Variants in ARHGEF6 observed in about 807,000 individuals in gnomAD.
ARHGEF6 encodes rho guanine nucleotide exchange factor 6.
A neutral mutation model predicts 70.3 loss-of-function variants in ARHGEF6; 9 were observed. The observed-to-expected ratio is 0.13, with a 90% CI of 0.08 to 0.22. The LOEUF is 0.22. ARHGEF6 is among the 10% of genes least tolerant of loss of function. The pLI is 1.00. For synonymous variants in ARHGEF6, 201 were observed against 207.8 expected, an observed-to-expected ratio of 0.97 and a Z score of 0.28; for missense variants, 470 against 563.0, an observed-to-expected ratio of 0.83 and a Z score of 1.67.
intron 2 of ARHGEF6, among the ~76,000 whole-genome samples, chrX:136,763,876 T>C (rs757120163): frequency 3.6e-5 from 4 of 111,070 alleles, no homozygotes; most frequent in African/African-American, 1.3e-4. Context: ...TTCCTACCTT[T>C]GAAAAGTTCT....
chrX:136,694,056 CT>C (rs1222897407), intron 9 of ARHGEF6, among the ~76,000 whole-genome samples: 262 of 96,157 alleles, frequency 2.7e-3, no homozygotes, highest in Middle Eastern at 5.2e-3. Context: ...GTCCCCACTC[CT>C]TTTTTTTTTT....
At chrX:136,686,448 T>C (rs765676603) in intron 11 of ARHGEF6, among the ~76,000 whole-genome samples, 1 of 106,644 alleles carries the variant, frequency 9.4e-6, no homozygotes, top group South Asian at 4.1e-4. Context: ...CTAAATTAGT[T>C]TTTATTCCTA....
chrX:136,722,723 G>A (rs2076811877), intron 6 of ARHGEF6, among the ~76,000 whole-genome samples: 1 of 112,211 alleles, frequency 8.9e-6, no homozygotes, highest in African/African-American at 3.2e-5. Flanking sequence ...ATGTAAAATG[G>A]TACTGCTACT....
chrX:136,682,240 T>TA (rs1032585761), intron 13 of ARHGEF6, among the ~76,000 whole-genome samples: 3 of 111,652 alleles, frequency 2.7e-5, no homozygotes, highest in Admixed American at 9.5e-5. Flanking sequence ...TAAGAATCAG[T>TA]AAAAAAAAGT....
At chrX:136,774,160 A>G (rs191207487) in intron 2 of ARHGEF6, 1 of 111,686 alleles carries the variant, frequency 9.0e-6, no homozygotes, top group East Asian at 2.8e-4. Context: ...TCCAAAGTGG[A>G]AGAATATTTT....
At chrX:136,759,834 G>A (rs894000524) in intron 2 of ARHGEF6, among the ~76,000 whole-genome samples, 6 of 111,470 alleles carry the variant, frequency 5.4e-5, no homozygotes, top group Non-Finnish European at 1.1e-4. Context: ...CTGATCTCTG[G>A]AATAATATTC....
intron 6 of ARHGEF6, among the ~76,000 whole-genome samples, chrX:136,720,393 C>A (rs2076782909): frequency 9.0e-6 from 1 of 110,625 alleles, no homozygotes; most frequent in South Asian, 3.8e-4. Context: ...ATCACATGAT[C>A]GTATCAACAG....
chrX:136,686,580 G>T (rs2076388298), intron 11 of ARHGEF6, among the ~76,000 whole-genome samples: 1 of 69,100 alleles, frequency 1.4e-5, no homozygotes, highest in African/African-American at 7.1e-5. Flanking sequence ...ATATATATGT[G>T]TGTGTATGTG....
intron 9 of ARHGEF6, among the ~76,000 whole-genome samples, chrX:136,702,317 C>A (rs1178161464): frequency 9.1e-6 from 1 of 110,470 alleles, no homozygotes; most frequent in Non-Finnish European, 1.9e-5. Flanking sequence ...ACAGAAAAGG[C>A]GGAAAAATAG....
intron 5 of ARHGEF6, among the ~76,000 whole-genome samples, chrX:136,733,972 G>T (rs971470022): frequency 8.9e-6 from 1 of 112,273 alleles, no homozygotes. Flanking sequence ...CTGGGAAGGA[G>T]GTACTCGATC....
At chrX:136,698,939 C>T (rs1457693884) in intron 9 of ARHGEF6, among the ~76,000 whole-genome samples, 1 of 111,467 alleles carries the variant, frequency 9.0e-6, no homozygotes, top group Non-Finnish European at 1.9e-5. Context: ...ATTGTTGGAC[C>T]TATACACACA....
At chrX:136,724,965 T>C (rs777354755) in intron 6 of ARHGEF6, among the ~76,000 whole-genome samples, 2 of 112,362 alleles carry the variant, frequency 1.8e-5, no homozygotes, top group African/African-American at 6.5e-5. Context: ...AAACACTACT[T>C]TAATTCCGTG....
intron 2 of ARHGEF6, among the ~76,000 whole-genome samples, chrX:136,750,375 C>A (rs1270753756): frequency 8.9e-6 from 1 of 112,493 alleles, no homozygotes; most frequent in Non-Finnish European, 1.9e-5. Context: ...AAAGTCAAAT[C>A]ATGGCAAAGT....
chrX:136,776,208 A>G (rs1217635962), intron 2 of ARHGEF6, among the ~76,000 whole-genome samples: 1 of 111,969 alleles, frequency 8.9e-6, no homozygotes, highest in East Asian at 2.8e-4. Flanking sequence ...TTCATATGAA[A>G]CCCAAAAAGA....
At chrX:136,725,284 G>C (rs2076840847) in intron 6 of ARHGEF6, among the ~76,000 whole-genome samples, 1 of 110,792 alleles carries the variant, frequency 9.0e-6, no homozygotes, top group African/African-American at 3.3e-5. Flanking sequence ...TCCTATGACT[G>C]CAAGTTTTGA....
At position 136,680,889 on chromosome X, in the gene ARHGEF6, A is replaced by G. The variant is rs768074818; in HGVS notation, c.1559-13T>C. ...TCCACTGTGTTACCTACATCCCCCAATTATGATCAGTTTGAAAACAAAAGG... is the reference window on the plus strand; with the variant it reads ...TCCACTGTGTTACCTACATCCCCCAGTTATGATCAGTTTGAAAACAAAAGG... On this transcript the variant is annotated splice_polypyrimidine_tract_variant and intron_variant, in intron 14 of 21. Transcript: ENST00000250617. The G allele has an allele frequency of 8.3e-7, 1 of 1,211,198 alleles. No individual in the cohort carries two copies. Among genetic ancestry groups the G allele is most frequent in the Non-Finnish European group, 1.1e-6 (1 of 894,955 alleles).
chrX:136,731,585 A>C (rs1302167746), intron 6 of ARHGEF6, among the ~76,000 whole-genome samples: 2 of 112,216 alleles, frequency 1.8e-5, no homozygotes, highest in Non-Finnish European at 3.8e-5. Flanking sequence ...ACATATTTTG[A>C]CATATCTGTG....
At chrX:136,679,417 A>C in intron 16 of ARHGEF6, 118 bp downstream of exon 16, 2 of 917,504 alleles carry the variant, frequency 2.2e-6, no homozygotes, top group South Asian at 4.3e-5. Flanking sequence ...TGGCAATTCA[A>C]GACTGACTCA....
At chrX:136,753,269 G>A (rs2077171408) in intron 2 of ARHGEF6, among the ~76,000 whole-genome samples, 1 of 111,949 alleles carries the variant, frequency 8.9e-6, no homozygotes, top group Non-Finnish European at 1.9e-5. Context: ...TCTAATTTGT[G>A]CCTGTAGCTG....
Sources: gnomAD v4.1 joint callset for allele counts (sites outside exome capture counted in the v4.1 genomes callset) on GRCh38, gnomAD v4.1.1 for gene constraint, MANE v1.5 for transcripts, NCBI Gene and HGNC (gene_info 2026-07-23, HGNC 2026-07-21) for gene names.